Variants in RANBP2 observed in about 807,000 individuals in gnomAD.
RANBP2 encodes the protein E3 SUMO-protein ligase RanBP2.
In RANBP2, 57 loss-of-function variants were observed where a neutral mutation model predicts 303.6. The observed-to-expected ratio is 0.19, with a 90% CI of 0.15 to 0.23. The LOEUF is 0.23. Among genes scored for constraint, RANBP2 ranks in the 10% least tolerant of loss-of-function variants. RANBP2 has a pLI of 1.00. For missense variants in RANBP2, 3,138 were observed against 3,780.8 expected (o/e 0.83, Z 4.46); for synonymous variants, 1,167 against 1,301.5 (o/e 0.90, Z 2.23).
the RANBP2 span, among the ~76,000 whole-genome samples, chr2:109,270,373 A>G: frequency 6.6e-6 from 1 of 152,202 alleles, no homozygotes; most frequent in Non-Finnish European, 1.5e-5. Flanking sequence ...CGGGATAGGC[A>G]GGCTCATAGA....
At chr2:108,795,559 A>T in the RANBP2 span, among the ~76,000 whole-genome samples, 1 of 152,258 alleles carries the variant, frequency 6.6e-6, no homozygotes, top group Non-Finnish European at 1.5e-5. Context: ...CGTTGGAAAC[A>T]CATGAAATAG....
chr2:109,398,891 C>T, the RANBP2 span: 1 of 1,613,724 alleles, frequency 6.2e-7, no homozygotes. Context: ...GATCCCCGAG[C>T]CGCGGCCAGG....
chr2:109,439,066 A>C, the RANBP2 span, among the ~76,000 whole-genome samples: 1 of 152,148 alleles, frequency 6.6e-6, no homozygotes, highest in Non-Finnish European at 1.5e-5. Flanking sequence ...CCTTGCTAGA[A>C]ACGTTCCCAA....
chr2:108,997,809 T>TG, the RANBP2 span, among the ~76,000 whole-genome samples: 1 of 152,196 alleles, frequency 6.6e-6, no homozygotes, highest in South Asian at 2.1e-4. Context: ...GAGAATCACT[T>TG]GAACTCGGAG....
At chr2:109,267,037 A>G in the RANBP2 span, among the ~76,000 whole-genome samples, 1 of 152,182 alleles carries the variant, frequency 6.6e-6, no homozygotes, top group African/African-American at 2.4e-5. Flanking sequence ...ACAGAGGTGG[A>G]TAAAAGCATT....
chr2:109,449,343 C>T, the RANBP2 span: 2 of 1,606,830 alleles, frequency 1.2e-6, no homozygotes, highest in African/African-American at 1.3e-5. Context: ...GGCCATCCCC[C>T]TCACATCAGC....
chr2:108,763,574 G>T lies in RANBP2; in HGVS notation c.3035G>T (p.Gly1012Val), dbSNP rs149826319. Residue 1012 changes from glycine (G) to valine (V), a missense_variant, in exon 20 of 29, where the codon GGT becomes GTT. By Grantham distance (109) the Gly-to-Val change is moderately radical. Around this residue, in one of 20 missense-constraint regions of RANBP2, gnomAD observed 403 missense variants for 376.7 expected, o/e 1.07. Transcript: ENST00000283195. The stretch of plus-strand genomic sequence containing the variant: ...ACTAATTTTGTTCAGCCCATGCCGG[G>T]TGAAGGATTAAGGCCATCTTTGCCA... Reference protein sequence around the residue: ...GKTNFVQPMPGEGLRPSLPTQ... With the variant: ...GKTNFVQPMPVEGLRPSLPTQ... The T allele has an allele frequency of 1.4e-5, 22 of 1,614,106 alleles. No individual in the cohort carries two copies. Among genetic ancestry groups the T allele is most frequent in the Non-Finnish European group, 1.8e-5 (21 of 1,180,008 alleles).
At chr2:109,098,483 A>G in the RANBP2 span, among the ~76,000 whole-genome samples, 314 of 152,302 alleles carry the variant, frequency 2.1e-3, 2 homozygotes, top group African/African-American at 7.2e-3. Flanking sequence ...ATGGTCACTG[A>G]TTAGTTATTT....
chr2:109,619,337 A>T, the RANBP2 span, among the ~76,000 whole-genome samples: 2 of 151,668 alleles, frequency 1.3e-5, no homozygotes, highest in South Asian at 4.2e-4. Flanking sequence ...ACCACTACCT[A>T]AAAAAAAGCT....
chr2:108,739,091 A>G (rs1695857150), intron 6 of RANBP2, among the ~76,000 whole-genome samples: 1 of 152,072 alleles, frequency 6.6e-6, no homozygotes, highest in African/African-American at 2.4e-5. Context: ...AAACTATTAC[A>G]TGTCATGAAG....
At chr2:109,692,997 C>T in the RANBP2 span, among the ~76,000 whole-genome samples, 139,941 of 151,706 alleles carry the variant, frequency 0.92, 65,605 homozygotes, top group East Asian at 1. Flanking sequence ...CTCATTATAC[C>T]GTCTGCCCTT....
chr2:109,006,401 G>A, the RANBP2 span, among the ~76,000 whole-genome samples: 1 of 151,900 alleles, frequency 6.6e-6, no homozygotes, highest in East Asian at 1.9e-4. Context: ...TCACTATGTT[G>A]GCCAGGCTGG....
chr2:109,130,104 G>A, the RANBP2 span: 21 of 1,330,148 alleles, frequency 1.6e-5, no homozygotes, highest in South Asian at 3.2e-4. Flanking sequence ...GGACCGCGCC[G>A]GCGGCAAAGG....
the RANBP2 span, among the ~76,000 whole-genome samples, chr2:109,649,336 T>C: frequency 6.6e-6 from 1 of 152,196 alleles, no homozygotes; most frequent in Non-Finnish European, 1.5e-5. Flanking sequence ...TATGTGTTCC[T>C]GAAAATGGTA....
At chr2:109,510,067 C>A in the RANBP2 span, among the ~76,000 whole-genome samples, 1 of 152,224 alleles carries the variant, frequency 6.6e-6, no homozygotes, top group African/African-American at 2.4e-5. Flanking sequence ...TAGAAATTCA[C>A]AAGGCAGGAA....
At chr2:108,907,207 T>G in the RANBP2 span, among the ~76,000 whole-genome samples, 1 of 152,058 alleles carries the variant, frequency 6.6e-6, no homozygotes. Context: ...AAAAACGTTG[T>G]GTGTGTGTGT....
At chr2:109,782,113 C>T in the RANBP2 span, among the ~76,000 whole-genome samples, 1 of 9,322 alleles carries the variant, frequency 1.1e-4, no homozygotes, top group African/African-American at 1.2e-4. Flanking sequence ...CGTTTTATTT[C>T]ATTTTATTTT....
At chr2:109,297,114 T>C in the RANBP2 span, among the ~76,000 whole-genome samples, 1 of 151,432 alleles carries the variant, frequency 6.6e-6, no homozygotes, top group Non-Finnish European at 1.5e-5. Context: ...CCAATACGGC[T>C]CCACAGAGAG....
the RANBP2 span, among the ~76,000 whole-genome samples, chr2:108,941,443 G>A: frequency 1.3e-5 from 2 of 152,126 alleles, no homozygotes; most frequent in South Asian, 2.1e-4. Flanking sequence ...AGGGCAAGGC[G>A]GAGGCACTGA....
Sources: allele counts gnomAD v4.1 joint callset (sites outside exome capture counted in the v4.1 genomes callset), GRCh38; gene constraint gnomAD v4.1.1; regional missense constraint gnomAD v4.1.1; transcripts MANE v1.5; gene names NCBI Gene and HGNC (gene_info 2026-07-23, HGNC 2026-07-21).